The following WWTR1 variants were observed in gnomAD, a reference collection of about 807,000 sequenced individuals.
The protein encoded by WWTR1 is WW domain-containing transcription regulator protein 1.
A neutral mutation model predicts 40.1 loss-of-function variants in WWTR1; 13 were observed. The ratio of observed to expected loss-of-function variants is 0.32; its 90% CI spans 0.21 to 0.52. The LOEUF is 0.52. Ranked by LOEUF, WWTR1 falls within the 20% of genes least tolerant of loss-of-function variation. The pLI, the probability that WWTR1 is intolerant of heterozygous loss-of-function variation, is 0.97. For synonymous variants in WWTR1, 230 were observed against 210.1 expected (o/e 1.09, Z -0.82); for missense variants, 436 against 523.1 (o/e 0.83, Z 1.63).
chr3:149,603,571 C>T (rs1004226729), intron 2 of WWTR1, among the ~76,000 whole-genome samples: 2 of 147,900 alleles, frequency 1.4e-5, no homozygotes, highest in Non-Finnish European at 3.0e-5. Context: ...GTACTCCACT[C>T]TAATTACATT....
intron 2 of WWTR1, among the ~76,000 whole-genome samples, chr3:149,632,635 AG>A (rs1439979432): frequency 6.6e-6 from 1 of 152,250 alleles, no homozygotes; most frequent in Non-Finnish European, 1.5e-5. Context: ...ATTTTCAAAA[AG>A]GTGGAGACAA....
intron 2 of WWTR1, among the ~76,000 whole-genome samples, chr3:149,633,169 G>A (rs887199186): frequency 8.5e-5 from 13 of 152,158 alleles, no homozygotes; most frequent in Non-Finnish European, 1.8e-4. Flanking sequence ...TGGGACCATG[G>A]CTTGAGGCCA....
chr3:149,645,823 T>C (rs570366753), intron 2 of WWTR1, among the ~76,000 whole-genome samples: 78 of 152,294 alleles, frequency 5.1e-4, no homozygotes, highest in African/African-American at 1.9e-3. Context: ...CAACCTAGCA[T>C]GTGTATTTTT....
chr3:149,521,599 T>C (rs935172661), intron 6 of WWTR1, among the ~76,000 whole-genome samples: 19 of 152,346 alleles, frequency 1.2e-4, no homozygotes, highest in African/African-American at 4.3e-4. Context: ...TCTTTTGTTT[T>C]CTTTAAGACA....
chr3:149,629,784 G>A (rs7638140), intron 2 of WWTR1, among the ~76,000 whole-genome samples: 70,758 of 152,008 alleles, frequency 0.47, 18,174 homozygotes, highest in Middle Eastern at 0.69. Flanking sequence ...CTACTATGGA[G>A]TATCTGATCA....
At chr3:149,638,839 C>T (rs776677789) in intron 2 of WWTR1, among the ~76,000 whole-genome samples, 1 of 152,124 alleles carries the variant, frequency 6.6e-6, no homozygotes, top group African/African-American at 2.4e-5. Flanking sequence ...AAGGCTCAGC[C>T]GGCCGATGGG....
chr3:149,607,476 G>A (rs1044992922), intron 2 of WWTR1, among the ~76,000 whole-genome samples: 2 of 152,028 alleles, frequency 1.3e-5, no homozygotes, highest in African/African-American at 2.4e-5. Context: ...CGCAATGCCC[G>A]GGTAAATTTT....
chr3:149,609,785 T>C (rs942089122), intron 2 of WWTR1, among the ~76,000 whole-genome samples: 1 of 152,280 alleles, frequency 6.6e-6, no homozygotes, highest in African/African-American at 2.4e-5. Flanking sequence ...GTCACTCACA[T>C]GCTATTTCCT....
intron 4 of WWTR1, among the ~76,000 whole-genome samples, chr3:149,722,033 T>C (rs531247615): frequency 5.9e-5 from 9 of 152,326 alleles, no homozygotes; most frequent in African/African-American, 1.4e-4. Context: ...TGAAGTACAA[T>C]TGCTCTCTTA....
rs1293181519 is a variant in WWTR1 at position 149,518,123 on chromosome 3, G to A, written c.*2682C>T. The stretch of plus-strand genomic sequence containing the variant: ...TCTTTAACAAAGGCCATATTTTGTG[G>A]CCTTAAAAACAAAAAATTATATCTG... On this transcript the variant is annotated 3_prime_UTR_variant, in exon 7 of 7. Transcript: ENST00000360632. 6.6e-6 allele frequency: 1 copy of A among 151,880 alleles called. No individual in the cohort carries two copies. The highest frequency in any genetic ancestry group is 6.6e-5 in the Admixed American group (1 of 15,226). 9.4% of individuals were successfully genotyped at this position (151,880 alleles called of 1,614,324 possible). A position where few individuals can be genotyped will look rare whatever the true frequency, so the allele number is the denominator to read the frequency against.
intron 1 of WWTR1, among the ~76,000 whole-genome samples, chr3:149,690,987 G>A (rs750780154): frequency 1.3e-5 from 2 of 152,126 alleles, no homozygotes; most frequent in Non-Finnish European, 2.9e-5. Flanking sequence ...CAATGCTCCT[G>A]AATGACCAGT....
chr3:149,688,131 AT>A (rs1441822533), intron 1 of WWTR1, among the ~76,000 whole-genome samples: 4 of 151,802 alleles, frequency 2.6e-5, no homozygotes, highest in Non-Finnish European at 5.9e-5. Context: ...TACTAAATAG[AT>A]TCCTAAAGTT....
At chr3:149,629,539 T>C (rs920474966) in intron 2 of WWTR1, among the ~76,000 whole-genome samples, 2 of 152,184 alleles carry the variant, frequency 1.3e-5, no homozygotes, top group East Asian at 3.8e-4. Context: ...TTTCGAAATC[T>C]GAGGAAAATA....
intron 1 of WWTR1, among the ~76,000 whole-genome samples, chr3:149,681,043 C>T (rs1714445872): frequency 6.6e-6 from 1 of 152,224 alleles, no homozygotes; most frequent in African/African-American, 2.4e-5. Flanking sequence ...CTTGTACTTA[C>T]AGCTTTCAAT....
chr3:149,663,791 A>C (rs1210411019), intron 2 of WWTR1, among the ~76,000 whole-genome samples: 1 of 152,178 alleles, frequency 6.6e-6, no homozygotes, highest in African/African-American at 2.4e-5. Context: ...TTCCTCTTTC[A>C]GCACCCATTA....
intron 1 of WWTR1, among the ~76,000 whole-genome samples, chr3:149,670,600 T>C (rs1266784803): frequency 5.7e-5 from 8 of 141,046 alleles, no homozygotes; most frequent in Non-Finnish European, 1.0e-4. Flanking sequence ...GCCGAGATCA[T>C]GCCACCGCAC....
At chr3:149,709,274 CTTT>C (rs34267226) in intron 5 of WWTR1, among the ~76,000 whole-genome samples, 8 of 145,782 alleles carry the variant, frequency 5.5e-5, no homozygotes, top group Admixed American at 1.4e-4. Flanking sequence ...CATGTCTGGC[CTTT>C]TTTTTTTTTT....
chr3:149,554,412 C>T (rs532610637), intron 3 of WWTR1, among the ~76,000 whole-genome samples: 30 of 152,246 alleles, frequency 2.0e-4, no homozygotes, highest in African/African-American at 7.2e-4. Flanking sequence ...ATTTTTAGCA[C>T]CAGGAAATGA....
At chr3:149,599,469 G>C (rs1030387969) in intron 2 of WWTR1, among the ~76,000 whole-genome samples, 1 of 152,228 alleles carries the variant, frequency 6.6e-6, no homozygotes, top group African/African-American at 2.4e-5. Flanking sequence ...AGCAGGATTT[G>C]GTTAAAAGAG....
Sources: allele counts gnomAD v4.1 joint callset (sites outside exome capture counted in the v4.1 genomes callset), GRCh38; gene constraint gnomAD v4.1.1; transcripts MANE v1.5; gene names NCBI Gene and HGNC (gene_info 2026-07-23, HGNC 2026-07-21).